STRN3: variants seen among roughly 807,000 people sequenced by gnomAD.
The protein encoded by STRN3 is striatin-3.
In STRN3, 29 loss-of-function variants were observed where a neutral mutation model predicts 95.6. The ratio of observed to expected loss-of-function variants is 0.30; its 90% CI spans 0.23 to 0.41. The LOEUF (loss-of-function observed/expected upper bound fraction) is 0.41, where lower values mean the gene tolerates loss of function less well. Among genes scored for constraint, STRN3 ranks in the 10% least tolerant of loss-of-function variants. The pLI, the probability that STRN3 is intolerant of heterozygous loss-of-function variation, is 1.00. For synonymous variants in STRN3, 331 were observed against 357.6 expected (o/e 0.93, Z 0.84); for missense variants, 890 against 972.1 (o/e 0.92, Z 1.12).
chr14:31,020,386 C>A (rs1187600519), intron 1 of STRN3, among the ~76,000 whole-genome samples: 1 of 151,880 alleles, frequency 6.6e-6, no homozygotes, highest in Non-Finnish European at 1.5e-5. Flanking sequence ...GTAATTCCAG[C>A]TACTCAGAAG....
intron 1 of STRN3, chr14:31,014,543 A>T (rs1883147803): frequency 1.4e-5 from 5 of 364,218 alleles, no homozygotes; most frequent in Non-Finnish European, 2.2e-5. Context: ...TTTAATAGGA[A>T]TTTTTACGTC....
chr14:30,957,283 C>T (rs541413739), intron 1 of STRN3, among the ~76,000 whole-genome samples: 2 of 152,192 alleles, frequency 1.3e-5, no homozygotes, highest in East Asian at 3.9e-4. Context: ...TGAAACCCGT[C>T]TCTACTAAAA....
At chr14:30,975,536 C>G (rs915317609) in intron 1 of STRN3, among the ~76,000 whole-genome samples, 3 of 98,488 alleles carry the variant, frequency 3.0e-5, no homozygotes, top group Non-Finnish European at 4.8e-5. Flanking sequence ...CCTATTCCCC[C>G]CTACTGAAAA....
chr14:30,947,376 C>A, intron 4 of STRN3, 113 bp from the exon 5 acceptor site: 1 of 809,130 alleles, frequency 1.2e-6, no homozygotes, highest in East Asian at 2.8e-5. Context: ...CTCCCTTTGT[C>A]TCAGTATCTT....
At chr14:30,899,301 G>A (rs962407320) in intron 16 of STRN3, among the ~76,000 whole-genome samples, 1 of 152,162 alleles carries the variant, frequency 6.6e-6, no homozygotes, top group East Asian at 1.9e-4. Flanking sequence ...ACTCAAATTT[G>A]TAACTCTACC....
chr14:30,929,155 C>G, intron 8 of STRN3, 46 bp downstream of exon 8: 2 of 1,480,696 alleles, frequency 1.4e-6, no homozygotes, highest in Non-Finnish European at 1.8e-6. Flanking sequence ...ACTTTTTTCT[C>G]AATTATTGGT....
At chr14:30,963,967 A>G (rs1287425322) in intron 1 of STRN3, among the ~76,000 whole-genome samples, 2 of 152,126 alleles carry the variant, frequency 1.3e-5, no homozygotes, top group African/African-American at 2.4e-5. Flanking sequence ...AAAACAAGAA[A>G]AGAGCCAGGT....
intron 5 of STRN3, among the ~76,000 whole-genome samples, chr14:30,938,994 A>C (rs187658666): frequency 6.8e-4 from 104 of 152,264 alleles, no homozygotes; most frequent in Non-Finnish European, 8.5e-4. Context: ...ATAAGTCATA[A>C]AATTGAGTCA....
chr14:30,916,619 C>T (rs1896747553), intron 9 of STRN3, among the ~76,000 whole-genome samples: 1 of 151,784 alleles, frequency 6.6e-6, no homozygotes, highest in Non-Finnish European at 1.5e-5. Flanking sequence ...CTAATAGAGA[C>T]AGAGTTTGCT....
intron 1 of STRN3, among the ~76,000 whole-genome samples, chr14:31,012,283 G>C (rs1303998300): frequency 2.0e-5 from 3 of 152,122 alleles, no homozygotes; most frequent in Non-Finnish European, 4.4e-5. Context: ...TTCAGTGAAA[G>C]ATAACTTAAA....
chr14:30,974,570 C>A (rs1414738466), intron 1 of STRN3, among the ~76,000 whole-genome samples: 2 of 125,798 alleles, frequency 1.6e-5, no homozygotes, highest in East Asian at 4.6e-4. Context: ...TCATAAAATT[C>A]ATATGGAATC....
chr14:31,013,138 T>G (rs1883048051), intron 1 of STRN3, among the ~76,000 whole-genome samples: 2 of 150,806 alleles, frequency 1.3e-5, no homozygotes, highest in Admixed American at 1.3e-4. Context: ...TGTGGAGGCA[T>G]GTTCCTGTAG....
At chr14:30,981,018 GGTTT>G (rs370648551) in intron 1 of STRN3, among the ~76,000 whole-genome samples, 4 of 152,034 alleles carry the variant, frequency 2.6e-5, no homozygotes, top group African/African-American at 9.7e-5. Flanking sequence ...AAAAACAGTA[GGTTT>G]TCTGTCCAGG....
chr14:30,993,075 G>C (rs932466808), intron 1 of STRN3, among the ~76,000 whole-genome samples: 1 of 151,968 alleles, frequency 6.6e-6, no homozygotes, highest in African/African-American at 2.4e-5. Flanking sequence ...GACCAGCCTG[G>C]GCAACATAGT....
intron 1 of STRN3, among the ~76,000 whole-genome samples, chr14:31,005,727 A>G (rs1324587031): frequency 3.3e-5 from 5 of 152,238 alleles, no homozygotes; most frequent in Admixed American, 1.3e-4. Flanking sequence ...CAAGAATGAT[A>G]AACTCTATTT....
At chr14:30,901,931 G>GC (rs1896327449) in intron 16 of STRN3, among the ~76,000 whole-genome samples, 1 of 151,966 alleles carries the variant, frequency 6.6e-6, no homozygotes, top group Non-Finnish European at 1.5e-5. Flanking sequence ...ACTTTGGGAG[G>GC]CCAAGGCAGG....
intron 16 of STRN3, among the ~76,000 whole-genome samples, chr14:30,901,446 GACTAAAACATATTGC>G (rs1265868479): frequency 1.3e-5 from 2 of 152,114 alleles, no homozygotes; most frequent in Non-Finnish European, 2.9e-5. Flanking sequence ...TAAGACTACA[GACTAAAACATATTGC>G]CATTTTCTAT....
intron 1 of STRN3, among the ~76,000 whole-genome samples, chr14:30,977,081 C>T (rs1043757755): frequency 6.6e-6 from 1 of 151,866 alleles, no homozygotes; most frequent in Non-Finnish European, 1.5e-5. Context: ...AAAAAATTCG[C>T]TGGGTATGGT....
chr14:30,990,040 G>A (rs1034314152), intron 1 of STRN3, among the ~76,000 whole-genome samples: 4 of 39,074 alleles, frequency 1.0e-4, no homozygotes, highest in African/African-American at 2.6e-4. Context: ...ATAAACTCAG[G>A]AAAGAGGGAC....
Sources: allele counts gnomAD v4.1 joint callset (sites outside exome capture counted in the v4.1 genomes callset), GRCh38; gene constraint gnomAD v4.1.1; transcripts MANE v1.5; gene names NCBI Gene and HGNC (gene_info 2026-07-23, HGNC 2026-07-21).